Variants in IGF1 observed in about 807,000 individuals in gnomAD.
IGF1 encodes insulin like growth factor 1.
Under a neutral mutation model 13.8 loss-of-function variants are expected in IGF1, and 4 were observed. The ratio of observed to expected loss-of-function variants is 0.29; its 90% CI spans 0.14 to 0.66. The LOEUF is 0.66. Among genes scored for constraint, IGF1 ranks in the 30% least tolerant of loss-of-function variants. The probability of loss-of-function intolerance (pLI) is 0.78; values close to 1 mark genes in which losing one functional copy is unlikely to be tolerated. For missense variants in IGF1, 124 were observed against 188.5 expected, an observed-to-expected ratio of 0.66 and a Z score of 2.00; for synonymous variants, 76 against 72.6, an observed-to-expected ratio of 1.05 and a Z score of -0.23.
intron 2 of IGF1, among the ~76,000 whole-genome samples, chr12:102,471,428 T>TGGGCAGTATATATCAAAGGAAAGA (rs1443499013): frequency 3.3e-5 from 5 of 152,186 alleles, no homozygotes; most frequent in Non-Finnish European, 7.4e-5. Context: ...AGTAGTTTTC[T>TGGGCAGTATATATCAAAGGAAAGA]GGGCAGTATA....
chr12:102,467,082 C>T (rs1312587905), intron 2 of IGF1, among the ~76,000 whole-genome samples: 4 of 152,112 alleles, frequency 2.6e-5, no homozygotes, highest in South Asian at 4.2e-4. Context: ...GAGTTGGCTG[C>T]ATGTGGGTTG....
At chr12:102,442,910 G>C (rs1265616784) in intron 2 of IGF1, among the ~76,000 whole-genome samples, 1 of 152,040 alleles carries the variant, frequency 6.6e-6, no homozygotes, top group Non-Finnish European at 1.5e-5. Context: ...GGCACCACTG[G>C]TTATCTTATA....
chr12:102,440,232 G>A (rs7296464), intron 2 of IGF1, among the ~76,000 whole-genome samples: 116,338 of 152,126 alleles, frequency 0.76, 44,568 homozygotes, highest in Admixed American at 0.83. Context: ...AAGGAAACTG[G>A]TTGTGTTGCC....
chr12:102,430,477 G>A (rs1876640063), intron 2 of IGF1, among the ~76,000 whole-genome samples: 1 of 152,136 alleles, frequency 6.6e-6, no homozygotes, highest in Non-Finnish European at 1.5e-5. Flanking sequence ...GCTTCCATAT[G>A]ATAAGGATAG....
At chr12:102,462,670 T>C (rs974815199) in intron 2 of IGF1, 1 of 152,244 alleles carries the variant, frequency 6.6e-6, no homozygotes, top group Non-Finnish European at 1.5e-5. Flanking sequence ...ATGATGCTTA[T>C]TGTATGTGTG....
At chr12:102,441,499 A>C (rs966318390) in intron 2 of IGF1, among the ~76,000 whole-genome samples, 1 of 152,164 alleles carries the variant, frequency 6.6e-6, no homozygotes, top group African/African-American at 2.4e-5. Flanking sequence ...ACATAGAATA[A>C]TGGTTTCAGG....
rs1410992966 is a variant in IGF1, at chr12:102,398,830, A to C, written c.*3677T>G. ...TTTTTAGTCAAGTACTTTCTTAAAG[A>C]AACAATAGCACCACATTGGCATAGC... On this transcript the variant is annotated 3_prime_UTR_variant, in exon 4 of 4. Transcript: ENST00000337514. The C allele has an allele frequency of 6.6e-6, 1 of 152,120 alleles. No homozygotes were observed. The highest frequency in any genetic ancestry group is 1.5e-5 in the Non-Finnish European group (1 of 67,938). The allele number at this position is 152,120 out of a possible 1,614,324, so 9.4% of individuals were successfully genotyped here.
Position 102,398,033 on chromosome 12 carries a change from G to T in IGF1, c.*4474C>A, listed in dbSNP as rs548463651. 3.2e-5 allele frequency: 4 copies of T among 124,618 alleles called. No homozygotes were observed. Among genetic ancestry groups the T allele is most frequent in the African/African-American group, 8.9e-5 (3 of 33,884 alleles). The allele number at this position is 124,618 out of a possible 1,614,324, so 7.7% of individuals were successfully genotyped here. A position where few individuals can be genotyped will look rare whatever the true frequency, so the allele number is the denominator to read the frequency against. On this transcript the variant is annotated 3_prime_UTR_variant, in exon 4 of 4. Coordinates refer to ENST00000337514, the MANE Select transcript of IGF1 (RefSeq NM_000618.5). ...TCCTCATTCTGATATAAAAAAAGAA[G>T]AAAAGAACCAAGTCATTTTGAACAT...
intron 3 of IGF1, among the ~76,000 whole-genome samples, chr12:102,403,888 A>G (rs1404469093): frequency 1.3e-5 from 2 of 152,110 alleles, no homozygotes; most frequent in Non-Finnish European, 2.9e-5. Flanking sequence ...GTGCTCAATA[A>G]ATATCTGTAA....
intron 2 of IGF1, among the ~76,000 whole-genome samples, chr12:102,429,857 T>A (rs1565977135): frequency 6.6e-6 from 1 of 152,216 alleles, no homozygotes; most frequent in Non-Finnish European, 1.5e-5. Context: ...AACCGCTCAC[T>A]TCTGTGAATT....
At chr12:102,448,733 G>C (rs1878609196) in intron 2 of IGF1, among the ~76,000 whole-genome samples, 1 of 146,874 alleles carries the variant, frequency 6.8e-6, no homozygotes. Flanking sequence ...CAGAAAGTGG[G>C]CAAAGGGTAT....
At chr12:102,424,056 T>G (rs1246285039) in intron 2 of IGF1, among the ~76,000 whole-genome samples, 1 of 152,172 alleles carries the variant, frequency 6.6e-6, no homozygotes, top group African/African-American at 2.4e-5. Context: ...CTATTTCAAC[T>G]CTATCATTGG....
intron 1 of IGF1, among the ~76,000 whole-genome samples, chr12:102,477,312 C>A (rs1404717429): frequency 1.3e-5 from 2 of 149,280 alleles, no homozygotes; most frequent in African/African-American, 2.5e-5. Context: ...CTCTCGTTAA[C>A]AAAATATAAA....
chr12:102,474,832 T>C (rs1880911665), intron 2 of IGF1, among the ~76,000 whole-genome samples: 1 of 152,224 alleles, frequency 6.6e-6, no homozygotes, highest in Non-Finnish European at 1.5e-5. Context: ...ACAGGAATCA[T>C]TGACTTTTGC....
At position 102,399,558 on chromosome 12, in the gene IGF1, C is replaced by T. The variant is rs1389830223; in HGVS notation, c.*2949G>A. 2 of 151,908 alleles carry T rather than the reference C, an allele frequency of 1.3e-5. No individual in the cohort carries two copies. The highest frequency in any genetic ancestry group is 2.9e-5 in the Non-Finnish European group (2 of 67,966). 9.4% of individuals were successfully genotyped at this position (151,908 alleles called of 1,614,324 possible). A position where few individuals can be genotyped will look rare whatever the true frequency, so the allele number is the denominator to read the frequency against. On this transcript the variant is annotated 3_prime_UTR_variant, in exon 4 of 4. Transcript: ENST00000337514. ...TCCAGGGTTTGCATCAATTTGTTTTCTAGTTTTAATTCATTAAAAAATAAA... is the reference window on the plus strand; with the variant it reads ...TCCAGGGTTTGCATCAATTTGTTTTTTAGTTTTAATTCATTAAAAAATAAA...
intron 3 of IGF1, chr12:102,415,892 G>C (rs1348550903): frequency 1.3e-5 from 2 of 152,128 alleles, no homozygotes; most frequent in African/African-American, 4.8e-5. Flanking sequence ...TGGCCACTTG[G>C]GCTAAGGCAC....
At chr12:102,422,509 C>T (rs1490026184) in intron 2 of IGF1, among the ~76,000 whole-genome samples, 1 of 152,144 alleles carries the variant, frequency 6.6e-6, no homozygotes, top group Non-Finnish European at 1.5e-5. Flanking sequence ...ACTCATTTCT[C>T]GCCAATTGAA....
intron 2 of IGF1, among the ~76,000 whole-genome samples, chr12:102,453,036 C>G (rs1274380362): frequency 6.6e-6 from 1 of 152,122 alleles, no homozygotes; most frequent in African/African-American, 2.4e-5. Context: ...ATTTGGGGGT[C>G]GAGAAGCTGA....
upstream of IGF1, chr12:102,480,568 A>G: frequency 6.9e-7 from 1 of 1,440,816 alleles, no homozygotes; most frequent in Non-Finnish European, 9.1e-7. Context: ...CAGAAGAGGG[A>G]TTTAGAGAAA....
Sources: allele counts gnomAD v4.1 joint callset (sites outside exome capture counted in the v4.1 genomes callset), GRCh38; gene constraint gnomAD v4.1.1; transcripts MANE v1.5; gene names NCBI Gene and HGNC (gene_info 2026-07-23, HGNC 2026-07-21).